RGMB: variants seen among roughly 807,000 people sequenced by gnomAD.
The protein encoded by RGMB is repulsive guidance molecule BMP co-receptor b, also known as repulsive guidance molecule B.
RGMB carries 16 observed loss-of-function variants against 26.9 expected under a neutral mutation model. That is an observed-to-expected ratio of 0.60 (90% CI 0.40 to 0.90). The LOEUF (loss-of-function observed/expected upper bound fraction) is 0.90. Ranked by LOEUF, RGMB falls within the 40% of genes least tolerant of loss-of-function variation. The pLI is 0.00. For missense variants in RGMB, 512 were observed against 573.3 expected, an observed-to-expected ratio of 0.89 and a Z score of 1.09; for synonymous variants, 225 against 229.3, an observed-to-expected ratio of 0.98 and a Z score of 0.17.
rs1747035475 is a variant in RGMB, at chr5:98,794,049, G to A, written c.*296G>A. The stretch of plus-strand genomic sequence containing the variant: ...TATTTTTTATATATTAAATATTTAT[G>A]TGTGTGCTTGGTTGATATGTATAGT... On this transcript the variant is annotated 3_prime_UTR_variant, in exon 3 of 3. Transcript: ENST00000513185. 4.1e-6 allele frequency: 1 copy of A among 241,970 alleles called. No homozygotes were observed. The highest frequency in any genetic ancestry group is 2.3e-5 in the African/African-American group (1 of 43,526). The allele number at this position is 241,970 out of a possible 1,614,324, so 15.0% of individuals were successfully genotyped here.
intron 1 of RGMB, among the ~76,000 whole-genome samples, chr5:98,778,072 T>C (rs763063101): frequency 2.0e-5 from 3 of 152,172 alleles, no homozygotes; most frequent in Admixed American, 1.3e-4. Flanking sequence ...AATTTAAAAT[T>C]TAAAATTTTG....
upstream of RGMB, chr5:98,770,642 CCCCCTCCAG>C: frequency 7.0e-7 from 1 of 1,435,440 alleles, no homozygotes. Context: ...TCCCGCTGAG[CCCCCTCCAG>C]GAGCGAAAGG....
At position 98,793,072 on chromosome 5, in the gene RGMB, C is replaced by T. The variant is rs769905532; in HGVS notation, c.646-13C>T. The T allele has an allele frequency of 3.2e-6, 5 of 1,577,292 alleles. No homozygotes were observed. In the South Asian group the frequency reaches 3.5e-5, roughly 11 times the overall value. On this transcript the variant is annotated splice_polypyrimidine_tract_variant and intron_variant, in intron 2 of 2. Coordinates refer to ENST00000513185, the MANE Select transcript of RGMB (RefSeq NM_001366508.1). The stretch of plus-strand genomic sequence containing the variant: ...CCCATTCTGTTAAACCTTGTACATG[C>T]TCCTTCCCACAGATCACTATTATCT...
At position 98,795,779 on chromosome 5, in the gene RGMB, A is replaced by G. The variant is rs1196408846; in HGVS notation, c.*2026A>G. ...CAAGCGAGGAAAAAATACGGAGGAT[A>G]ACCACTATTTTTGTGCAAATAATAT... On this transcript the variant is annotated 3_prime_UTR_variant, in exon 3 of 3. Coordinates refer to ENST00000513185, the MANE Select transcript of RGMB (RefSeq NM_001366508.1). 1 of 152,210 alleles carries G rather than the reference A, an allele frequency of 6.6e-6. No homozygotes were observed. The highest frequency in any genetic ancestry group is 1.5e-5 in the Non-Finnish European group (1 of 68,034). 9.4% of individuals were successfully genotyped at this position (152,210 alleles called of 1,614,324 possible). A position where few individuals can be genotyped will look rare whatever the true frequency, so the allele number is the denominator to read the frequency against.
intron 2 of RGMB, among the ~76,000 whole-genome samples, chr5:98,786,344 C>G (rs1002220875): frequency 6.6e-6 from 1 of 152,192 alleles, no homozygotes; most frequent in Non-Finnish European, 1.5e-5. Context: ...AAAACAAATC[C>G]ACACTCTTCC....
rs1472425806 is a variant in RGMB at position 98,774,181 on chromosome 5, G to T, written c.111G>T (p.Leu37=). 9.3e-6 allele frequency: 14 copies of T among 1,497,826 alleles called. No homozygotes were observed. Among genetic ancestry groups the T allele is most frequent in the Non-Finnish European group, 1.2e-5 (14 of 1,131,046 alleles). 92.8% of individuals were successfully genotyped at this position (1,497,826 alleles called of 1,614,324 possible). The change falls in exon 1 of 3, where the codon CTG becomes CTT. Residue 37 remains leucine, a synonymous_variant. Coordinates refer to ENST00000513185, the MANE Select transcript of RGMB (RefSeq NM_001366508.1). ...PPPLELLLLL[L]FSLGLLHAGD... The stretch of plus-strand genomic sequence containing the variant: ...CGCTGGAGCTGCTGCTGCTGCTGCT[G>T]TTCAGCCTCGGGCTGCTCCACGCAG...
chr5:98,793,248 A>C lies in RGMB; in HGVS notation c.809A>C (p.Glu270Ala), dbSNP rs1310300921. Residue 270 changes from glutamate to alanine, a missense_variant, in exon 3 of 3, where the codon GAG becomes GCG. Transcript: ENST00000513185. ...GAAAGGGAGAGTGGCCACTATGTGG[A>C]GATGCACGCCCGCTATATAGGGACC... ...IVERESGHYVEMHARYIGTTV... is the reference protein window; with the variant it reads ...IVERESGHYVAMHARYIGTTV... The C allele has an allele frequency of 6.2e-7, 1 of 1,613,898 alleles. No homozygotes were observed. Among genetic ancestry groups the C allele is most frequent in the Non-Finnish European group, 8.5e-7 (1 of 1,179,890 alleles).
intron 2 of RGMB, among the ~76,000 whole-genome samples, chr5:98,784,912 T>C (rs916717093): frequency 6.6e-6 from 1 of 152,182 alleles, no homozygotes; most frequent in Non-Finnish European, 1.5e-5. Context: ...AATAGACCAT[T>C]TTCCCTCCAC....
chr5:98,778,340 A>C (rs896600315), intron 1 of RGMB, among the ~76,000 whole-genome samples: 1 of 152,158 alleles, frequency 6.6e-6, no homozygotes, highest in Non-Finnish European at 1.5e-5. Context: ...ATTTAATAAT[A>C]ATCTACTGGC....
At chr5:98,771,512 A>C (rs770860399), upstream of RGMB, 4 of 152,230 alleles carry the variant, frequency 2.6e-5, no homozygotes, top group Non-Finnish European at 5.9e-5. Context: ...CTATGTCTTG[A>C]AAATAGGAAC....
intron 2 of RGMB, among the ~76,000 whole-genome samples, chr5:98,784,167 C>A (rs1746698307): frequency 6.6e-6 from 1 of 152,208 alleles, no homozygotes; most frequent in African/African-American, 2.4e-5. Flanking sequence ...TGGACAGATG[C>A]TCTGAGGTGC....
rs917275369 is a variant in RGMB, at chr5:98,793,349, G to A, written c.910G>A (p.Glu304Lys). Residue 304 changes from glutamate (E) to lysine (K), a missense_variant, in exon 3 of 3, where the codon GAG (glutamate) becomes AAG (lysine). Glu to Lys is a moderately conservative substitution (Grantham distance 56). Coordinates refer to ENST00000513185, the MANE Select transcript of RGMB (RefSeq NM_001366508.1). The stretch of plus-strand genomic sequence containing the variant: ...GCCTGAAGACCTGGCCATGTCCTAC[G>A]AGGAGAGCCAGGACCTGCAGCTGTG... ...RMPEDLAMSY[E>K]ESQDLQLCVN... 8 of 1,613,694 alleles carry A rather than the reference G, an allele frequency of 5.0e-6. No homozygotes were observed. Among genetic ancestry groups the A allele is most frequent in the African/African-American group, 1.3e-5 (1 of 74,928 alleles).
rs777534179 is a variant in RGMB, at chr5:98,793,189, TGGGGACAGCGATGCCAAGA to T, written c.752_770del (p.Gly251AlafsTer20). ...CCTTTGTGGATGGCACCACCAGTGG[TGGGGACAGCGATGCCAAGA>T]GCCTGCGTATCGTGGAAAGGGAGAG... On this transcript the variant is annotated frameshift_variant, in exon 3 of 3. Coordinates refer to ENST00000513185, the MANE Select transcript of RGMB (RefSeq NM_001366508.1). LOFTEE classifies it high-confidence loss of function. 2 of 1,613,950 alleles carry T rather than the reference TGGGGACAGCGATGCCAAGA, an allele frequency of 1.2e-6. No individual in the cohort carries two copies. Among genetic ancestry groups the T allele is most frequent in the South Asian group, 2.2e-5 (2 of 91,066 alleles).
At chr5:98,771,718 T>C (rs1746170363), upstream of RGMB, 1 of 152,190 alleles carries the variant, frequency 6.6e-6, no homozygotes, top group Non-Finnish European at 1.5e-5. Flanking sequence ...GGATTTGCAA[T>C]GACTCGAGGA....
intron 2 of RGMB, among the ~76,000 whole-genome samples, chr5:98,788,358 T>C (rs762493230): frequency 6.6e-6 from 1 of 152,232 alleles, no homozygotes; most frequent in African/African-American, 2.4e-5. Context: ...GTAGGCTGAG[T>C]GGTGATTGTA....
intron 1 of RGMB, among the ~76,000 whole-genome samples, 163 bp downstream of exon 1, chr5:98,774,369 A>C (rs1828168): frequency 0.13 from 19,661 of 152,208 alleles, 1,714 homozygotes; most frequent in Middle Eastern, 0.26. Context: ...TCCGGGCCAC[A>C]GTAACGCAGC....
chr5:98,769,286 T>C (rs555471645), upstream of RGMB: 117 of 152,564 alleles, frequency 7.7e-4, no homozygotes, highest in Non-Finnish European at 1.2e-3. Context: ...AGGGTCTCTG[T>C]TCACCTCTAT....
intron 2 of RGMB, among the ~76,000 whole-genome samples, chr5:98,786,126 A>C (rs2545677): frequency 6.6e-6 from 1 of 152,208 alleles, no homozygotes; most frequent in Admixed American, 6.5e-5. Context: ...CCTTTGTTTC[A>C]TTCATACACA....
At chr5:98,773,615 C>T, upstream of RGMB, 2 of 269,278 alleles carry the variant, frequency 7.4e-6, no homozygotes, top group Non-Finnish European at 1.4e-5. Flanking sequence ...CAGGGCGGGG[C>T]GGGACGGCAG....
Sources: allele counts gnomAD v4.1 joint callset (sites outside exome capture counted in the v4.1 genomes callset), GRCh38; gene constraint gnomAD v4.1.1; transcripts MANE v1.5; gene names NCBI Gene and HGNC (gene_info 2026-07-23, HGNC 2026-07-21).